TMEM117: variants seen among roughly 807,000 people sequenced by gnomAD.
TMEM117 encodes the protein transmembrane protein 117.
TMEM117 carries 27 observed loss-of-function variants against 52.4 expected under a neutral mutation model. That is an observed-to-expected ratio of 0.51 (90% confidence interval 0.38 to 0.71). The LOEUF (loss-of-function observed/expected upper bound fraction) is 0.71, where lower values mean the gene tolerates loss of function less well. TMEM117 is among the 30% of genes least tolerant of loss of function. TMEM117 has a pLI of 0.00. For synonymous variants in TMEM117, 215 were observed against 206.3 expected (o/e 1.04, Z -0.36); for missense variants, 556 against 630.5 (o/e 0.88, Z 1.26).
intron 1 of TMEM117, among the ~76,000 whole-genome samples, chr12:43,842,305 G>T (rs1476745457): frequency 1.3e-5 from 2 of 152,164 alleles, no homozygotes. Context: ...CAAGACTCTT[G>T]AGGTAGTCAC....
intron 6 of TMEM117, among the ~76,000 whole-genome samples, chr12:44,340,798 AC>A (rs1175503963): frequency 2.6e-5 from 4 of 152,110 alleles, no homozygotes; most frequent in African/African-American, 9.7e-5. Flanking sequence ...TACATTGTAC[AC>A]ATATTTTTAA....
intron 3 of TMEM117, among the ~76,000 whole-genome samples, chr12:44,061,099 A>G (rs1947132044): frequency 6.6e-6 from 1 of 152,212 alleles, no homozygotes; most frequent in South Asian, 2.1e-4. Context: ...AAATAGGGCC[A>G]TGCAAATTTT....
intron 2 of TMEM117, among the ~76,000 whole-genome samples, chr12:43,866,138 A>G (rs546922189): frequency 1.9e-4 from 29 of 151,848 alleles, no homozygotes; most frequent in Non-Finnish European, 3.5e-4. Flanking sequence ...TAAAAGATAA[A>G]GAGAAAATTT....
downstream of TMEM117, among the ~76,000 whole-genome samples, chr12:44,393,885 A>G (rs558068404): frequency 5.3e-5 from 8 of 152,284 alleles, no homozygotes; most frequent in Admixed American, 3.9e-4. Context: ...AAACCACAAC[A>G]CAGATTTGTC....
At chr12:43,970,120 A>G (rs1473362268) in intron 3 of TMEM117, among the ~76,000 whole-genome samples, 1 of 152,124 alleles carries the variant, frequency 6.6e-6, no homozygotes, top group African/African-American at 2.4e-5. Context: ...CACATTGGAT[A>G]TGCAGGAGGC....
At chr12:44,361,392 T>C (rs897941329) in intron 6 of TMEM117, among the ~76,000 whole-genome samples, 2 of 152,182 alleles carry the variant, frequency 1.3e-5, no homozygotes, top group Non-Finnish European at 2.9e-5. Context: ...CATAGGGAAC[T>C]TCTTTCAAGA....
chr12:43,805,799 T>G, the TMEM117 span: 50 of 1,361,228 alleles, frequency 3.7e-5, no homozygotes, highest in Admixed American at 1.5e-4. Flanking sequence ...TCCTGTAATA[T>G]TCTCCTTTGG....
At chr12:44,197,132 A>G (rs1394430161) in intron 4 of TMEM117, among the ~76,000 whole-genome samples, 1 of 152,190 alleles carries the variant, frequency 6.6e-6, no homozygotes, top group Non-Finnish European at 1.5e-5. Context: ...TGTAGTAGGC[A>G]TTTCATTTAG....
chr12:44,040,333 A>G (rs1946776923), intron 3 of TMEM117, among the ~76,000 whole-genome samples: 1 of 152,156 alleles, frequency 6.6e-6, no homozygotes, highest in African/African-American at 2.4e-5. Flanking sequence ...AAAATTTAAC[A>G]GCGACTTCTT....
chr12:44,135,004 G>C (rs117959889), intron 3 of TMEM117, among the ~76,000 whole-genome samples: 1 of 151,978 alleles, frequency 6.6e-6, no homozygotes, highest in Non-Finnish European at 1.5e-5. Flanking sequence ...ATGTCAGCCA[G>C]CTTTCATCCT....
intron 5 of TMEM117, among the ~76,000 whole-genome samples, chr12:44,215,728 T>C (rs1280388037): frequency 6.7e-6 from 1 of 149,336 alleles, no homozygotes; most frequent in Non-Finnish European, 1.5e-5. Context: ...TTAGCTTTTT[T>C]TAAAAAAAAA....
chr12:44,338,265 G>A lies in TMEM117; in HGVS notation c.769-38330G>A, dbSNP rs140530587. The stretch of plus-strand genomic sequence containing the variant: ...CTGATTAAAGATTATACCTAAAAAT[G>A]TTAATAAATAAATCTATGTCAGTCT... On this transcript the variant is annotated intron_variant, in intron 6 of 7. Coordinates refer to ENST00000266534, the MANE Select transcript of TMEM117 (RefSeq NM_032256.3). Among the ~76,000 whole-genome samples the A allele has an allele frequency of 3.4e-3, 521 of 152,126 alleles. 5 individuals carry two copies. Among genetic ancestry groups the A allele is most frequent in the African/African-American group, 0.01 (428 of 41,530 alleles).
chr12:43,806,158 CCTCCCGGCT>C, the TMEM117 span: 85 of 1,534,352 alleles, frequency 5.5e-5, 1 homozygote, highest in Admixed American at 5.3e-4. Flanking sequence ...GTCCTGCAGC[CCTCCCGGCT>C]CTCCCGGCTC....
intron 3 of TMEM117, among the ~76,000 whole-genome samples, chr12:44,117,926 G>T (rs1054715220): frequency 7.3e-5 from 11 of 151,586 alleles, no homozygotes; most frequent in African/African-American, 2.7e-4. Flanking sequence ...TGTTTTGTTT[G>T]TAAATAATTT....
chr12:44,273,122 C>T (rs1193194699), intron 5 of TMEM117, among the ~76,000 whole-genome samples: 1 of 151,892 alleles, frequency 6.6e-6, no homozygotes, highest in East Asian at 1.9e-4. Flanking sequence ...ATCACAAGGA[C>T]AGAAAACCAA....
At chr12:44,139,588 T>C (rs1311529297) in intron 3 of TMEM117, among the ~76,000 whole-genome samples, 1 of 152,086 alleles carries the variant, frequency 6.6e-6, no homozygotes, top group Non-Finnish European at 1.5e-5. Flanking sequence ...CTTAAAAGCC[T>C]ATATCAATGA....
chr12:44,058,922 A>T (rs987467010), intron 3 of TMEM117, among the ~76,000 whole-genome samples: 1 of 152,144 alleles, frequency 6.6e-6, no homozygotes, highest in Admixed American at 6.5e-5. Context: ...GGTGCCAGGG[A>T]CCGGTTTTAT....
At chr12:43,998,024 T>C (rs1946059495) in intron 3 of TMEM117, among the ~76,000 whole-genome samples, 1 of 152,184 alleles carries the variant, frequency 6.6e-6, no homozygotes, top group African/African-American at 2.4e-5. Context: ...GATAAACAGA[T>C]AGTGTTCTTA....
chr12:44,073,217 C>T (rs1422649709), intron 3 of TMEM117, among the ~76,000 whole-genome samples: 1 of 152,084 alleles, frequency 6.6e-6, no homozygotes, highest in African/African-American at 2.4e-5. Context: ...CATTTTTGAA[C>T]ACTTATTGTG....
Sources: allele counts gnomAD v4.1 joint callset (sites outside exome capture counted in the v4.1 genomes callset), GRCh38; gene constraint gnomAD v4.1.1; transcripts MANE v1.5; gene names NCBI Gene and HGNC (gene_info 2026-07-23, HGNC 2026-07-21).